The following JAM3 variants were observed in gnomAD, a reference collection of about 807,000 sequenced individuals.
The protein encoded by JAM3 is junctional adhesion molecule 3, also known as junctional adhesion molecule C.
JAM3 carries 31 observed loss-of-function variants against 39.4 expected under a neutral mutation model. The ratio of observed to expected loss-of-function variants is 0.79; its 90% CI spans 0.59 to 1.06. JAM3 has a LOEUF of 1.06. JAM3 is among the 50% of genes least tolerant of loss of function. JAM3 has a pLI of 0.00. For missense variants in JAM3, 455 were observed against 391.4 expected (o/e 1.16, Z -1.37); for synonymous variants, 182 against 148.7 (o/e 1.22, Z -1.63).
chr11:134,143,865 G>C (rs1943020141), intron 3 of JAM3, among the ~76,000 whole-genome samples: 1 of 152,200 alleles, frequency 6.6e-6, no homozygotes, highest in Admixed American at 6.5e-5. Context: ...TCATGTGTTT[G>C]CAAGTGGATA....
At position 134,118,272 on chromosome 11, in the gene JAM3, A is replaced by C. The variant is rs147107230; in HGVS notation, c.77-21579A>C. 1.3e-4 allele frequency among the ~76,000 whole-genome samples: 20 copies of C among 152,322 alleles called. No individual in the cohort carries two copies. In the East Asian group the frequency reaches 3.3e-3, roughly 25 times the overall value. On this transcript the variant is annotated intron_variant, in intron 1 of 8. Coordinates refer to ENST00000299106, the MANE Select transcript of JAM3 (RefSeq NM_032801.5). ...ATGTGTTCATCTGTGCTTTAGAGCC[A>C]AGAATATTTTATAATTGGTCTGACT...
rs575710858 is a variant in JAM3 at position 134,136,145 on chromosome 11, G to GA, written c.77-3703dup. Among the ~76,000 whole-genome samples the GA allele has an allele frequency of 1.7e-4, 20 of 114,782 alleles. No homozygotes were observed. In the South Asian group the frequency reaches 5.2e-3, roughly 30 times the overall value. 75.3% of individuals were successfully genotyped at this position (114,782 alleles called of 152,430 possible). On this transcript the variant is annotated intron_variant, in intron 1 of 8. Transcript: ENST00000299106. Reference sequence around the variant, plus strand: ...GAGTATGATGGACAGGCCAAAATAGGAAATTGAATAGGAATAACAGCATTT... The same window carrying GA: ...GAGTATGATGGACAGGCCAAAATAGGAAAATTGAATAGGAATAACAGCATTT...
At chr11:134,093,879 C>T (rs1434257932) in intron 1 of JAM3, among the ~76,000 whole-genome samples, 2 of 96,512 alleles carry the variant, frequency 2.1e-5, no homozygotes, top group African/African-American at 5.4e-5. Flanking sequence ...TTCTCCTGAA[C>T]CCTCCTTATT....
intron 1 of JAM3, among the ~76,000 whole-genome samples, chr11:134,136,741 A>G (rs990794776): frequency 7.9e-5 from 12 of 151,560 alleles, no homozygotes; most frequent in Admixed American, 1.3e-4. Flanking sequence ...GTAGTTCATG[A>G]AAAATAAAAT....
At chr11:134,096,878 C>T (rs1941994192) in intron 1 of JAM3, among the ~76,000 whole-genome samples, 1 of 152,138 alleles carries the variant, frequency 6.6e-6, no homozygotes, top group African/African-American at 2.4e-5. Flanking sequence ...TCATAATTCA[C>T]CAAATCTAGC....
intron 1 of JAM3, 48 bp downstream of exon 1, chr11:134,069,207 C>G (rs757786889): frequency 1.3e-6 from 2 of 1,596,246 alleles, no homozygotes; most frequent in South Asian, 2.2e-5. Flanking sequence ...CTGGGGGCGA[C>G]GGAAGCAGAG....
chr11:134,127,071 C>T (rs1591797941), intron 1 of JAM3, among the ~76,000 whole-genome samples: 1 of 152,160 alleles, frequency 6.6e-6, no homozygotes. Context: ...AACAAAACAC[C>T]AAAGCGTGTA....
intron 1 of JAM3, among the ~76,000 whole-genome samples, chr11:134,099,583 G>A (rs573190518): frequency 6.6e-6 from 1 of 152,058 alleles, no homozygotes; most frequent in Admixed American, 6.6e-5. Flanking sequence ...TCTGCCCTTT[G>A]CCTCCTGTAT....
At chr11:134,127,642 A>G (rs563344850) in intron 1 of JAM3, among the ~76,000 whole-genome samples, 6 of 152,334 alleles carry the variant, frequency 3.9e-5, no homozygotes, top group South Asian at 2.1e-4. Flanking sequence ...GGAGGTTGCA[A>G]TGAGCTGAGA....
At chr11:134,121,939 C>T (rs1239431080) in intron 1 of JAM3, among the ~76,000 whole-genome samples, 1 of 152,072 alleles carries the variant, frequency 6.6e-6, no homozygotes, top group Admixed American at 6.5e-5. Flanking sequence ...ACACTGTCTA[C>T]CTTAGCTTAG....
At chr11:134,102,442 T>C (rs1942093491) in intron 1 of JAM3, among the ~76,000 whole-genome samples, 1 of 152,152 alleles carries the variant, frequency 6.6e-6, no homozygotes, top group Non-Finnish European at 1.5e-5. Flanking sequence ...CTGAAAATTC[T>C]AAAAATCAGA....
intron 1 of JAM3, among the ~76,000 whole-genome samples, chr11:134,123,600 C>G (rs887580695): frequency 4.6e-5 from 7 of 152,228 alleles, no homozygotes; most frequent in African/African-American, 1.7e-4. Context: ...TCATCCTTCA[C>G]TGAATTAATT....
chr11:134,075,661 A>G (rs1430081437), intron 1 of JAM3, among the ~76,000 whole-genome samples: 1 of 152,168 alleles, frequency 6.6e-6, no homozygotes, highest in Non-Finnish European at 1.5e-5. Flanking sequence ...TCCTGAGTTT[A>G]AGGGATCCTA....
At chr11:134,107,279 C>G (rs1017078771) in intron 1 of JAM3, among the ~76,000 whole-genome samples, 2 of 151,922 alleles carry the variant, frequency 1.3e-5, no homozygotes, top group African/African-American at 4.8e-5. Context: ...GGGAATTGAA[C>G]AATGAGAACA....
chr11:134,083,825 G>A (rs1418566378), intron 1 of JAM3, among the ~76,000 whole-genome samples: 2 of 152,082 alleles, frequency 1.3e-5, no homozygotes, highest in African/African-American at 4.8e-5. Context: ...AGTGTCCAGT[G>A]GAAATCACCT....
At chr11:134,135,746 G>A (rs1270009171) in intron 1 of JAM3, among the ~76,000 whole-genome samples, 1 of 151,834 alleles carries the variant, frequency 6.6e-6, no homozygotes, top group Non-Finnish European at 1.5e-5. Context: ...ATCTAGACAG[G>A]TATCTAGTAT....
intron 1 of JAM3, among the ~76,000 whole-genome samples, chr11:134,085,452 A>T (rs538934460): frequency 3.3e-4 from 51 of 152,316 alleles, no homozygotes; most frequent in African/African-American, 1.1e-3. Flanking sequence ...ATTAATAAAC[A>T]TATTGTTATT....
At chr11:134,089,365 G>T (rs1941801819) in intron 1 of JAM3, among the ~76,000 whole-genome samples, 1 of 151,866 alleles carries the variant, frequency 6.6e-6, no homozygotes. Context: ...CAGCATGCAG[G>T]TTAGTTACAT....
intron 1 of JAM3, among the ~76,000 whole-genome samples, chr11:134,119,142 T>G (rs1165843118): frequency 6.6e-6 from 1 of 152,010 alleles, no homozygotes; most frequent in Non-Finnish European, 1.5e-5. Context: ...GCCAGGCTGG[T>G]CTCAAACTCC....
Sources: allele counts gnomAD v4.1 joint callset (sites outside exome capture counted in the v4.1 genomes callset), GRCh38; gene constraint gnomAD v4.1.1; transcripts MANE v1.5; gene names NCBI Gene and HGNC (gene_info 2026-07-23, HGNC 2026-07-21).